Variants in PKHD1 observed in about 807,000 individuals in gnomAD.
PKHD1 encodes fibrocystin.
A neutral mutation model predicts 412.0 loss-of-function variants in PKHD1; 291 were observed. The observed-to-expected ratio is 0.71, with a 90% confidence interval of 0.64 to 0.78. The LOEUF (loss-of-function observed/expected upper bound fraction) is 0.78, where lower values mean the gene tolerates loss of function less well. Ranked by LOEUF, PKHD1 falls within the 30% of genes least tolerant of loss-of-function variation. The pLI is 0.00. For synonymous variants in PKHD1, 1,777 were observed against 1,821.5 expected (o/e 0.98, Z 0.62); for missense variants, 4,825 against 4,950.7 (o/e 0.97, Z 0.76).
chr6:52,053,398 G>C, intron 20 of PKHD1, 147 bp from the exon 21 acceptor site: 1 of 764,392 alleles, frequency 1.3e-6, no homozygotes, highest in East Asian at 2.7e-5. Context: ...GCAGTCCTGG[G>C]TGCCAAGGCT....
intron 36 of PKHD1, 91 bp downstream of exon 36, chr6:51,959,779 G>A: frequency 1.7e-6 from 2 of 1,184,194 alleles, no homozygotes; most frequent in Non-Finnish European, 2.5e-6. Context: ...ACTAAGTTCT[G>A]GAACTTATCC....
intron 61 of PKHD1, among the ~76,000 whole-genome samples, chr6:51,654,362 T>G (rs1213976669): frequency 6.6e-6 from 1 of 152,124 alleles, no homozygotes; most frequent in Non-Finnish European, 1.5e-5. Context: ...AATGTTGTTT[T>G]TCATATCCAT....
At position 52,080,090 on chromosome 6, in the gene PKHD1, C is replaced by T. The variant is rs1002229756; in HGVS notation, c.282-82G>A. ...GCAGCCCACTTGCCACTTCAAATTT[C>T]CTCCTTGCACTTTTAAAACAGAGCT... On this transcript the variant is annotated intron_variant, in intron 4 of 66. Transcript: ENST00000371117. 6.1e-6 allele frequency: 5 copies of T among 818,772 alleles called. No homozygotes were observed. The African/African-American group carries it at 6.7e-5, about 11-fold the overall frequency. 50.7% of individuals were successfully genotyped at this position (818,772 alleles called of 1,614,324 possible).
chr6:51,926,096 A>C (rs1785567894), intron 37 of PKHD1, among the ~76,000 whole-genome samples: 2 of 152,188 alleles, frequency 1.3e-5, no homozygotes, highest in Non-Finnish European at 2.9e-5. Context: ...ATAATGTTGA[A>C]AGCTAAGGAG....
intron 52 of PKHD1, among the ~76,000 whole-genome samples, chr6:51,807,485 A>ATGTGTGTGTG (rs567506746): frequency 0.011 from 1,183 of 111,674 alleles, 32 homozygotes; most frequent in African/African-American, 0.028. Flanking sequence ...ATATATGTAT[A>ATGTGTGTGTG]TGTGTGTGTG....
At chr6:52,029,807 A>G (rs1237404998) in intron 29 of PKHD1, among the ~76,000 whole-genome samples, 2 of 152,214 alleles carry the variant, frequency 1.3e-5, no homozygotes, top group African/African-American at 2.4e-5. Flanking sequence ...AAGACCAAGA[A>G]AGCCAAGCCA....
At chr6:52,012,585 T>C (rs918205269) in intron 34 of PKHD1, among the ~76,000 whole-genome samples, 1 of 152,216 alleles carries the variant, frequency 6.6e-6, no homozygotes, top group Non-Finnish European at 1.5e-5. Context: ...TAAATTAAAA[T>C]GCAATGTAAT....
Position 52,025,270 on chromosome 6 carries a change from C to G in PKHD1, c.4540G>C (p.Asp1514His), listed in dbSNP as rs147098776. The G allele has an allele frequency of 3.8e-5, 61 of 1,614,068 alleles. No homozygotes were observed. The African/African-American group carries it at 6.5e-4, about 17-fold the overall frequency. Residue 1514 changes from aspartate to histidine, a missense_variant, in exon 32 of 67, where the codon GAT (aspartate) becomes CAT (histidine). Physicochemically the swap from Asp to His is moderately conservative, Grantham distance 81. Transcript: ENST00000371117. ...TCATCCACAAATACCATCGGCTCATCAGCTGTGGTGGCTAACCTCTGACCC... is the reference window on the plus strand; with the variant it reads ...TCATCCACAAATACCATCGGCTCATGAGCTGTGGTGGCTAACCTCTGACCC... The part of the protein sequence containing the change: ...IRGQRLATTA[D>H]EPMVFVDDQL...
Position 51,748,438 on chromosome 6 carries a change from C to T in PKHD1, c.9178G>A (p.Val3060Ile), listed in dbSNP as rs1289333711. The change falls in exon 58 of 67, where the codon GTC (valine) becomes ATC (isoleucine). Residue 3060 changes from valine to isoleucine, a missense_variant. Transcript: ENST00000371117. ...GIDLEGQAYT[V>I]TNNLVVLMTQ... ...ATCAGAACCACAAGGTTATTAGTGA[C>T]AGTATAGGCCTGACCCTCTAAATCT... 2 of 1,613,902 alleles carry T rather than the reference C, an allele frequency of 1.2e-6. No homozygotes were observed. Among genetic ancestry groups the T allele is most frequent in the Admixed American group, 1.7e-5 (1 of 59,958 alleles).
intron 37 of PKHD1, among the ~76,000 whole-genome samples, chr6:51,925,290 G>A (rs1463010971): frequency 6.6e-6 from 1 of 152,232 alleles, no homozygotes; most frequent in East Asian, 1.9e-4. Flanking sequence ...TTTGTGTCAA[G>A]ATGAGAGGCT....
chr6:51,632,017 T>C (rs775951939), intron 65 of PKHD1, among the ~76,000 whole-genome samples: 2 of 150,588 alleles, frequency 1.3e-5, no homozygotes, highest in Non-Finnish European at 3.0e-5. Flanking sequence ...CTCGGCTCAC[T>C]GCAACCTCCA....
chr6:51,642,765 G>A (rs776040016), intron 63 of PKHD1, among the ~76,000 whole-genome samples: 13 of 152,214 alleles, frequency 8.5e-5, no homozygotes, highest in Middle Eastern at 3.4e-3. Context: ...ACTTGAACCC[G>A]GGAGGCAGAG....
chr6:51,911,673 T>C, intron 39 of PKHD1, 126 bp downstream of exon 39: 2 of 809,706 alleles, frequency 2.5e-6, no homozygotes, highest in Non-Finnish European at 4.2e-6. Context: ...CAGAAAAGTA[T>C]GGGCATCCAA....
At chr6:51,922,517 C>T (rs1168387058) in intron 37 of PKHD1, among the ~76,000 whole-genome samples, 2 of 152,242 alleles carry the variant, frequency 1.3e-5, no homozygotes, top group Non-Finnish European at 2.9e-5. Context: ...TTTCTGCTGC[C>T]TTTTGTTCAG....
chr6:51,863,742 C>G (rs1390426561), intron 48 of PKHD1, among the ~76,000 whole-genome samples: 6 of 152,064 alleles, frequency 3.9e-5, no homozygotes, highest in Admixed American at 1.3e-4. Context: ...GCATTTTACT[C>G]CTGGGTCTTC....
At chr6:51,781,889 A>C (rs888425255) in intron 53 of PKHD1, among the ~76,000 whole-genome samples, 2 of 152,000 alleles carry the variant, frequency 1.3e-5, no homozygotes, top group African/African-American at 4.8e-5. Flanking sequence ...TACTTATTTC[A>C]ATGGCCAGCC....
At chr6:51,910,577 G>A (rs1203942190) in intron 39 of PKHD1, among the ~76,000 whole-genome samples, 1 of 152,088 alleles carries the variant, frequency 6.6e-6, no homozygotes, top group Non-Finnish European at 1.5e-5. Flanking sequence ...GATTTGTGAT[G>A]CAATCAAGGA....
At chr6:51,667,052 A>G (rs1328863753) in intron 60 of PKHD1, among the ~76,000 whole-genome samples, 4 of 149,166 alleles carry the variant, frequency 2.7e-5, no homozygotes, top group African/African-American at 5.0e-5. Flanking sequence ...TCATTTGGGT[A>G]TATACCCAGT....
At chr6:51,794,995 C>T (rs1794375112) in intron 52 of PKHD1, among the ~76,000 whole-genome samples, 1 of 152,068 alleles carries the variant, frequency 6.6e-6, no homozygotes, top group South Asian at 2.1e-4. Flanking sequence ...CTTAGGATTG[C>T]CTTGGCTATT....
Sources: allele counts gnomAD v4.1 joint callset (sites outside exome capture counted in the v4.1 genomes callset), GRCh38; gene constraint gnomAD v4.1.1; transcripts MANE v1.5; gene names NCBI Gene and HGNC (gene_info 2026-07-23, HGNC 2026-07-21).